POLRMT: variants seen among roughly 807,000 people sequenced by gnomAD.
POLRMT encodes DNA-directed RNA polymerase, mitochondrial.
Under a neutral mutation model 132.2 loss-of-function variants are expected in POLRMT, and 114 were observed. The ratio of observed to expected loss-of-function variants is 0.86; its 90% CI spans 0.74 to 1.01. The LOEUF (loss-of-function observed/expected upper bound fraction) is 1.01, where lower values mean the gene tolerates loss of function less well. Ranked by LOEUF, POLRMT falls within the 50% of genes least tolerant of loss-of-function variation. The pLI is 0.00. For missense variants in POLRMT, 2,003 were observed against 1,729.1 expected (o/e 1.16, Z -2.81); for synonymous variants, 1,020 against 773.4 (o/e 1.32, Z -5.29).
In POLRMT at chr19:629,870, G is replaced by C; in HGVS notation, c.492C>G (p.Pro164=). ...KALTRRLQVE[P]RLLSKQMAGC... is the part of the protein sequence containing the mutation. Reference sequence around the variant, plus strand: ...CGGCCATCTGCTTGCTCAGGAGCCGGGGCTCCACCTGCAGGCGCCTGGTCA... The same window carrying C: ...CGGCCATCTGCTTGCTCAGGAGCCGCGGCTCCACCTGCAGGCGCCTGGTCA... The change falls in exon 3 of 21, where the codon CCC becomes CCG. Residue 164 remains proline, a synonymous_variant. Coordinates refer to ENST00000588649, the MANE Select transcript of POLRMT (RefSeq NM_005035.4). The C allele has an allele frequency of 6.2e-7, 1 of 1,610,418 alleles. No individual in the cohort carries two copies. Among genetic ancestry groups the C allele is most frequent in the Non-Finnish European group, 8.5e-7 (1 of 1,178,660 alleles).
intron 2 of POLRMT, among the ~76,000 whole-genome samples, chr19:631,811 G>A (rs989457328): frequency 1.3e-5 from 2 of 152,036 alleles, no homozygotes; most frequent in East Asian, 3.9e-4. Context: ...GCATGATCTC[G>A]GCTCACCGCA....
intron 5 of POLRMT, 69 bp downstream of exon 5, chr19:624,650 C>A: frequency 6.5e-7 from 1 of 1,541,142 alleles, no homozygotes; most frequent in Admixed American, 1.8e-5. Context: ...TTGGTCTGAG[C>A]TGAGGCTCCA....
chr19:620,455 G>C lies in POLRMT; in HGVS notation c.2673C>G (p.Pro891=), dbSNP rs763981641. The C allele has an allele frequency of 2.5e-6, 4 of 1,600,834 alleles. No homozygotes were observed. Among genetic ancestry groups the C allele is most frequent in the East Asian group, 2.3e-5 (1 of 44,346 alleles). ...GRKWWMGAEE[P]WQTLACCMEV... ...CCATACAGCAGGCCAGCGTCTGCCA[G>C]GGTTCCTCCGCGCCCATCCACCACT... Residue 891 remains proline, a synonymous_variant, in exon 11 of 21, where the codon CCC becomes CCG. Transcript: ENST00000588649.
chr19:624,699 C>G lies in POLRMT; in HGVS notation c.1140+20G>C. 2 of 1,605,352 alleles carry G rather than the reference C, an allele frequency of 1.2e-6. No homozygotes were observed. Among genetic ancestry groups the G allele is most frequent in the Non-Finnish European group, 1.7e-6 (2 of 1,174,642 alleles). On this transcript the variant is annotated intron_variant, in intron 5 of 20. Coordinates refer to ENST00000588649, the MANE Select transcript of POLRMT (RefSeq NM_005035.4). ...GGCAGCTATAAGGACTGAAGTCTGC[C>G]GGGGCCCACGTGGGCTCACCTTGGC...
At chr19:630,197 G>A in intron 2 of POLRMT, 29 bp from the exon 3 acceptor site, 8 of 1,546,956 alleles carry the variant, frequency 5.2e-6, no homozygotes, top group Non-Finnish European at 7.0e-6. Context: ...GAGGACATGA[G>A]AGGGACCCCC....
chr19:621,188 C>T lies in POLRMT; in HGVS notation c.2510G>A (p.Gly837Asp). Reference sequence around the variant, plus strand: ...CAGGTGGATCTTGAGCCAATCCAGGCCGTGCGGGCCGAGCGGGCGGCCCTG... The same window carrying T: ...CAGGTGGATCTTGAGCCAATCCAGGTCGTGCGGGCCGAGCGGGCGGCCCTG... ...FAQGRPLGPH[G>D]LDWLKIHLVN... The change falls in exon 10 of 21, where the codon GGC becomes GAC. Residue 837 changes from glycine (G) to aspartate (D), a missense_variant. By Grantham distance (94) the Gly-to-Asp change is moderately conservative. Transcript: ENST00000588649. 6.2e-7 allele frequency: 1 copy of T among 1,610,610 alleles called. No individual in the cohort carries two copies. The highest frequency in any genetic ancestry group is 8.5e-7 in the Non-Finnish European group (1 of 1,178,572).
Position 624,829 on chromosome 19 carries a change from G to C in POLRMT, c.1030C>G (p.Arg344Gly), listed in dbSNP as rs778351738. 2 of 1,613,374 alleles carry C rather than the reference G, an allele frequency of 1.2e-6. No homozygotes were observed. The highest frequency in any genetic ancestry group is 1.7e-6 in the Non-Finnish European group (2 of 1,179,992). ...TGCACGGCCTTCAGAACAGTGGCCCGATCCTCCTCAGACAGCAGAACGGCG... is the reference window on the plus strand; with the variant it reads ...TGCACGGCCTTCAGAACAGTGGCCCCATCCTCCTCAGACAGCAGAACGGCG... Reference protein sequence around the residue: ...FTAVLLSEEDRATVLKAVHKV... With the variant: ...FTAVLLSEEDGATVLKAVHKV... The change falls in exon 5 of 21, where the codon CGG (arginine) becomes GGG (glycine). Residue 344 changes from arginine to glycine, a missense_variant. Physicochemically the swap from Arg to Gly is moderately radical, Grantham distance 125. Transcript: ENST00000588649.
At chr19:627,148 A>T (rs201172309) in intron 3 of POLRMT, among the ~76,000 whole-genome samples, 14,957 of 119,612 alleles carry the variant, frequency 0.13, 1,198 homozygotes, top group Non-Finnish European at 0.17. Context: ...GTTTTGGGGC[A>T]TTTTTTTTTT....
chr19:617,452 G>C lies in POLRMT; in HGVS notation c.3610C>G (p.Leu1204Val). Residue 1204 changes from leucine (L) to valine (V), a missense_variant, in exon 20 of 21, where the codon CTG becomes GTG. Physicochemically the swap from Leu to Val is conservative, Grantham distance 32. Transcript: ENST00000588649. ...EPQKILEASQ[L>V]KETLQAVPKP... The stretch of plus-strand genomic sequence containing the variant: ...GGCACCGCCTGCAGTGTCTCCTTCA[G>C]CTGGCTGGCCTCCAAGATCTTCTGG... The C allele has an allele frequency of 6.2e-7, 1 of 1,611,976 alleles. No individual in the cohort carries two copies. Among genetic ancestry groups the C allele is most frequent in the East Asian group, 2.2e-5 (1 of 44,860 alleles).
Position 617,500 on chromosome 19 carries a change from G to A in POLRMT, c.3582-20C>T, listed in dbSNP as rs760638924. On this transcript the variant is annotated intron_variant, in intron 19 of 20. Transcript: ENST00000588649. ...TGGGGCCTGGGGTTGGAAGCAGGGT[G>A]GGGTGAGGCTGAGGCCAGGTTTTGG... The A allele has an allele frequency of 3.7e-6, 6 of 1,610,546 alleles. No individual in the cohort carries two copies. Among genetic ancestry groups the A allele is most frequent in the South Asian group, 3.3e-5 (3 of 90,978 alleles).
At chr19:624,666 C>A (rs1984887268) in intron 5 of POLRMT, 53 bp downstream of exon 5, 1 of 1,566,032 alleles carries the variant, frequency 6.4e-7, no homozygotes, top group South Asian at 1.2e-5. Flanking sequence ...CTCCAGGAAC[C>A]CCCAAAGGGC....
At position 617,605 on chromosome 19, in the gene POLRMT, G is replaced by A. The variant is rs1220820892; in HGVS notation, c.3546C>T (p.Asp1182=). 3 of 1,612,394 alleles carry A rather than the reference G, an allele frequency of 1.9e-6. No homozygotes were observed. In the African/African-American group the frequency reaches 4.0e-5, roughly 21 times the overall value. Residue 1182 remains aspartate (D), a synonymous_variant, in exon 19 of 21, where the codon GAC becomes GAT. Transcript: ENST00000588649. ...VRLHSEPILQ[D]LSRFLVKRFC... is the part of the protein sequence containing the mutation. ...ACCGCTTGACCAGGAATCTGGACAG[G>A]TCCTGCAGGATGGGCTCGCTGTGCA...
intron 13 of POLRMT, 62 bp downstream of exon 13, chr19:619,524 C>A (rs1984327818): frequency 6.3e-7 from 1 of 1,592,262 alleles, no homozygotes; most frequent in Admixed American, 1.7e-5. Flanking sequence ...CGGGGGCACA[C>A]CCGTCTGAGT....
rs749135593 is a variant in POLRMT at position 633,449 on chromosome 19, G to A, written c.64C>T (p.Arg22Cys). ...GLKRALRPCG[R>C]PGLPGKEGTA... Reference sequence around the variant, plus strand: ...CCTTCTTTGCCGGGGAGTCCCGGGCGGCCGCAAGGCCGTAGGGCTCGTTTG... The same window carrying A: ...CCTTCTTTGCCGGGGAGTCCCGGGCAGCCGCAAGGCCGTAGGGCTCGTTTG... Residue 22 changes from arginine to cysteine, a missense_variant, in exon 1 of 21, where the codon CGC becomes TGC. By Grantham distance (180) the Arg-to-Cys change is radical. Transcript: ENST00000588649. 6 of 1,555,798 alleles carry A rather than the reference G, an allele frequency of 3.9e-6. No homozygotes were observed. Among genetic ancestry groups the A allele is most frequent in the Admixed American group, 3.5e-5 (2 of 56,834 alleles).
rs1433708599 is a variant in POLRMT, at chr19:621,459, G to C, written c.2239C>G (p.Pro747Ala). The change falls in exon 10 of 21, where the codon CCG (proline) becomes GCG (alanine). Residue 747 changes from proline to alanine, a missense_variant. Coordinates refer to ENST00000588649, the MANE Select transcript of POLRMT (RefSeq NM_005035.4). ...EAPQPPEAHL[P>A]HSAAPARKAE... ...TTGCGGGCGGGCGCGGCGCTGTGCG[G>C]CAGGTGGGCCTCGGGCGGCTGGGGC... The C allele has an allele frequency of 7.3e-7, 1 of 1,376,910 alleles. No homozygotes were observed. The highest frequency in any genetic ancestry group is 1.6e-5 in the South Asian group (1 of 63,510). 85.3% of individuals were successfully genotyped at this position (1,376,910 alleles called of 1,614,324 possible).
intron 2 of POLRMT, among the ~76,000 whole-genome samples, chr19:631,866 C>G (rs888323394): frequency 6.6e-6 from 1 of 152,102 alleles, no homozygotes; most frequent in East Asian, 1.9e-4. Flanking sequence ...CTCAGTCTCC[C>G]CGGGTTCAAG....
At position 617,536 on chromosome 19, in the gene POLRMT, G is replaced by GGA. The variant is rs540397166; in HGVS notation, c.3581+33_3581+34insTC. On this transcript the variant is annotated intron_variant, in intron 19 of 20. Coordinates refer to ENST00000588649, the MANE Select transcript of POLRMT (RefSeq NM_005035.4). ...GAGGCCAGGTTTTGGGGTGGGGGGG[G>GGA]AATCCAGGTAGTTGGGGTCAGGGAG... The GGA allele has an allele frequency of 2.6e-5, 42 of 1,603,538 alleles. No individual in the cohort carries two copies. The East Asian group carries it at 6.7e-4, about 26-fold the overall frequency.
intron 2 of POLRMT, among the ~76,000 whole-genome samples, chr19:630,882 G>A (rs1985363780): frequency 6.6e-6 from 1 of 152,202 alleles, no homozygotes; most frequent in South Asian, 2.1e-4. Flanking sequence ...TGCTGGCCGG[G>A]CATGGCGGCT....
rs775562722 is a variant in POLRMT, at chr19:629,544, C to T, written c.818G>A (p.Arg273Gln). Residue 273 changes from arginine to glutamine, a missense_variant, in exon 3 of 21, where the codon CGG becomes CAG. Physicochemically the swap from Arg to Gln is conservative, Grantham distance 43. Transcript: ENST00000588649. ...MYNAVMLGWA[R>Q]QGAFKELVYV... The stretch of plus-strand genomic sequence containing the variant: ...CCGGCTCCCGGCTGCACTCACCTGC[C>T]GCGCCCAGCCAAGCATCACGGCGTT... 1.2e-5 allele frequency: 19 copies of T among 1,523,754 alleles called. No homozygotes were observed. Among genetic ancestry groups the T allele is most frequent in the Non-Finnish European group, 1.6e-5 (18 of 1,135,066 alleles). 94.4% of individuals were successfully genotyped at this position (1,523,754 alleles called of 1,614,324 possible). A position where few individuals can be genotyped will look rare whatever the true frequency, so the allele number is the denominator to read the frequency against.
Sources: allele counts gnomAD v4.1 joint callset (sites outside exome capture counted in the v4.1 genomes callset), GRCh38; gene constraint gnomAD v4.1.1; transcripts MANE v1.5; gene names NCBI Gene and HGNC (gene_info 2026-07-23, HGNC 2026-07-21).